Variants in GRIP1 observed in about 807,000 individuals in gnomAD.
GRIP1 encodes the protein glutamate receptor-interacting protein 1.
In GRIP1, 45 loss-of-function variants were observed where a neutral mutation model predicts 129.9. The ratio of observed to expected loss-of-function variants is 0.35; its 90% CI spans 0.27 to 0.44. The LOEUF is 0.44. Ranked by LOEUF, GRIP1 falls within the 20% of genes least tolerant of loss-of-function variation. GRIP1 has a pLI of 1.00. For missense variants in GRIP1, 1,196 were observed against 1,396.8 expected (o/e 0.86, Z 2.29); for synonymous variants, 530 against 520.8 (o/e 1.02, Z -0.24).
At chr12:66,385,422 G>A (rs1488905284) in intron 19 of GRIP1, among the ~76,000 whole-genome samples, 1 of 151,968 alleles carries the variant, frequency 6.6e-6, no homozygotes, top group Non-Finnish European at 1.5e-5. Context: ...TGTAGTCCCA[G>A]CTACTTGGGA....
intron 1 of GRIP1, among the ~76,000 whole-genome samples, chr12:66,639,767 C>T (rs983114910): frequency 1.3e-5 from 2 of 152,144 alleles, no homozygotes; most frequent in African/African-American, 4.8e-5. Flanking sequence ...TCCTCATTGC[C>T]ATTTTTCTAT....
At chr12:66,392,163 T>G in intron 19 of GRIP1, 145 bp downstream of exon 19, 1 of 654,248 alleles carries the variant, frequency 1.5e-6, no homozygotes, top group Non-Finnish European at 2.7e-6. Context: ...AGTGTAAGTA[T>G]TCAATGTGTT....
At chr12:66,575,212 A>G (rs951139252) in intron 2 of GRIP1, among the ~76,000 whole-genome samples, 3 of 152,148 alleles carry the variant, frequency 2.0e-5, no homozygotes, top group African/African-American at 7.2e-5. Flanking sequence ...CTACTTATAT[A>G]TTTTTTTGAA....
At chr12:66,859,771 G>A (rs139630041) in intron 1 of GRIP1, among the ~76,000 whole-genome samples, 103 of 152,128 alleles carry the variant, frequency 6.8e-4, no homozygotes, top group African/African-American at 2.5e-3. Flanking sequence ...GGTGCTGCAG[G>A]GCTGTGTTAT....
chr12:66,583,594 G>A (rs1204684627), intron 2 of GRIP1, among the ~76,000 whole-genome samples: 17 of 138,346 alleles, frequency 1.2e-4, no homozygotes, highest in African/African-American at 3.4e-4. Context: ...AAAAGTGGGC[G>A]AAGGACGTGA....
intron 24 of GRIP1, among the ~76,000 whole-genome samples, 200 bp from the exon 25 acceptor site, chr12:66,349,446 G>A (rs1176304177): frequency 3.9e-5 from 6 of 152,112 alleles, no homozygotes; most frequent in Admixed American, 3.3e-4. Context: ...TAAGACTCTC[G>A]AGGGCAAGGA....
chr12:66,645,583 G>A (rs2032295415), intron 1 of GRIP1, among the ~76,000 whole-genome samples: 1 of 152,160 alleles, frequency 6.6e-6, no homozygotes. Flanking sequence ...ATCAATGCTG[G>A]GATGTGTTTT....
chr12:66,697,535 G>A (rs2035204960), intron 1 of GRIP1, among the ~76,000 whole-genome samples: 1 of 152,126 alleles, frequency 6.6e-6, no homozygotes, highest in Non-Finnish European at 1.5e-5. Flanking sequence ...AAATGCACCT[G>A]GCCCTCAGCT....
intron 1 of GRIP1, among the ~76,000 whole-genome samples, chr12:66,886,493 C>T (rs1470370739): frequency 6.6e-6 from 1 of 152,124 alleles, no homozygotes; most frequent in African/African-American, 2.4e-5. Context: ...TCTCTGCAGT[C>T]AACATTTTCT....
chr12:66,420,682 G>C (rs774011457), intron 15 of GRIP1, 38 bp downstream of exon 15: 1 of 1,080,166 alleles, frequency 9.3e-7, no homozygotes, highest in Non-Finnish European at 1.4e-6. Context: ...TAAATTAAGA[G>C]AGGCCTTAAA....
intron 1 of GRIP1, among the ~76,000 whole-genome samples, chr12:66,786,585 C>G (rs568848876): frequency 6.6e-6 from 1 of 152,158 alleles, no homozygotes; most frequent in Non-Finnish European, 1.5e-5. Context: ...AGTGCTTTAC[C>G]CAGTATCTAC....
intron 1 of GRIP1, among the ~76,000 whole-genome samples, chr12:66,753,458 T>C (rs1017302803): frequency 6.6e-6 from 1 of 152,236 alleles, no homozygotes; most frequent in Admixed American, 6.5e-5. Flanking sequence ...CTTCCACCAC[T>C]GCTGACCTGC....
intron 1 of GRIP1, among the ~76,000 whole-genome samples, chr12:66,898,335 C>G (rs1023188469): frequency 2.0e-5 from 3 of 152,180 alleles, no homozygotes; most frequent in African/African-American, 7.2e-5. Flanking sequence ...CTAAATCCCT[C>G]TCTTCTCTTC....
chr12:66,734,057 A>G (rs961107816), intron 1 of GRIP1, among the ~76,000 whole-genome samples: 94 of 152,346 alleles, frequency 6.2e-4, no homozygotes, highest in African/African-American at 2.2e-3. Flanking sequence ...CAGCAAAAGC[A>G]GCAGGAATCA....
At chr12:66,715,253 C>G (rs531427148) in intron 1 of GRIP1, among the ~76,000 whole-genome samples, 2 of 152,118 alleles carry the variant, frequency 1.3e-5, no homozygotes, top group African/African-American at 4.8e-5. Context: ...GCCCTGCCCC[C>G]TTGGACAGTA....
At chr12:66,820,778 C>T (rs764323624) in intron 1 of GRIP1, among the ~76,000 whole-genome samples, 1 of 151,232 alleles carries the variant, frequency 6.6e-6, no homozygotes, top group African/African-American at 2.4e-5. Flanking sequence ...ATGATTCTAA[C>T]TGTATGACAT....
In GRIP1 at chr12:66,715,087, G is replaced by C. The variant is rs1165137598; in HGVS notation, c.-419-84751C>G. Among the ~76,000 whole-genome samples the C allele has an allele frequency of 5.3e-5, 8 of 151,978 alleles. 2 individuals carry two copies. The South Asian group carries it at 1.2e-3, about 24-fold the overall frequency. The stretch of plus-strand genomic sequence containing the variant: ...TAGTGTAGGCTTTCATGTCTGCTTT[G>C]TCTCTTCCTTCTTCATCGACGGCCA... On this transcript the variant is annotated intron_variant, in intron 1 of 4. Transcript: ENST00000538373.
At chr12:66,373,362 T>C (rs1452951310) in intron 22 of GRIP1, among the ~76,000 whole-genome samples, 3 of 152,180 alleles carry the variant, frequency 2.0e-5, no homozygotes, top group Admixed American at 2.0e-4. Flanking sequence ...GTGCTGGGAT[T>C]ACAGGTGTAA....
At chr12:67,005,554 C>A (rs1236841411) in intron 1 of GRIP1, among the ~76,000 whole-genome samples, 2 of 152,180 alleles carry the variant, frequency 1.3e-5, no homozygotes, top group Non-Finnish European at 2.9e-5. Flanking sequence ...AAAATGAAGT[C>A]AAGCTACCAG....
Sources: gnomAD v4.1 joint callset for allele counts (sites outside exome capture counted in the v4.1 genomes callset) on GRCh38, gnomAD v4.1.1 for gene constraint, MANE v1.5 for transcripts, NCBI Gene and HGNC (gene_info 2026-07-23, HGNC 2026-07-21) for gene names.